Variants in LPP observed in about 807,000 individuals in gnomAD.
The protein encoded by LPP is LIM domain containing preferred translocation partner in lipoma.
LPP carries 38 observed loss-of-function variants against 60.4 expected under a neutral mutation model. That is an observed-to-expected ratio of 0.63 (90% CI 0.49 to 0.83). LPP has a LOEUF of 0.83. LPP is among the 40% of genes least tolerant of loss of function. The probability of loss-of-function intolerance (pLI) is 0.00; values close to 1 mark genes in which losing one functional copy is unlikely to be tolerated. For synonymous variants in LPP, 328 were observed against 290.8 expected (o/e 1.13, Z -1.30); for missense variants, 902 against 783.6 (o/e 1.15, Z -1.80).
At chr3:188,639,657 A>G (rs1277223314) in intron 7 of LPP, among the ~76,000 whole-genome samples, 4 of 149,852 alleles carry the variant, frequency 2.7e-5, no homozygotes, top group African/African-American at 9.8e-5. Flanking sequence ...AATGAACTCA[A>G]ACAAATTTAC....
intron 2 of LPP, among the ~76,000 whole-genome samples, chr3:188,291,487 G>GA (rs1050853674): frequency 3.3e-5 from 5 of 150,286 alleles, no homozygotes; most frequent in South Asian, 2.1e-4. Flanking sequence ...AAAATAGAAA[G>GA]AAAAAAAAAT....
chr3:188,741,217 A>AC (rs1272384957), intron 8 of LPP, among the ~76,000 whole-genome samples: 2 of 151,130 alleles, frequency 1.3e-5, no homozygotes, highest in Non-Finnish European at 2.9e-5. Context: ...ACTTGGTCCC[A>AC]CCGAGGTTCA....
At chr3:188,648,611 G>A (rs1851528708) in intron 7 of LPP, among the ~76,000 whole-genome samples, 1 of 152,040 alleles carries the variant, frequency 6.6e-6, no homozygotes, top group African/African-American at 2.4e-5. Flanking sequence ...TCCTTCATTT[G>A]CTCTATCTAG....
chr3:188,733,811 G>C (rs1035035146), intron 8 of LPP, among the ~76,000 whole-genome samples: 1 of 152,144 alleles, frequency 6.6e-6, no homozygotes, highest in African/African-American at 2.4e-5. Flanking sequence ...TGGAATTCAT[G>C]TGGCTGTTTA....
chr3:188,745,809 C>T (rs1041159134), intron 8 of LPP, among the ~76,000 whole-genome samples: 2 of 152,116 alleles, frequency 1.3e-5, no homozygotes, highest in Non-Finnish European at 2.9e-5. Context: ...GCAGGATCCT[C>T]AAAACTGTGG....
intron 1 of LPP, among the ~76,000 whole-genome samples, chr3:188,208,027 A>G (rs1733776734): frequency 6.6e-6 from 1 of 152,262 alleles, no homozygotes; most frequent in African/African-American, 2.4e-5. Context: ...TCACACATCT[A>G]TGCAATAAAT....
rs150034956 is a variant in LPP at position 188,762,680 on chromosome 3, A to C, written c.1410+2398A>C. 7.2e-5 allele frequency among the ~76,000 whole-genome samples: 11 copies of C among 152,204 alleles called. No homozygotes were observed. In the East Asian group the frequency reaches 2.1e-3, roughly 29 times the overall value. ...TTCTTTGGTTTGTTGTTACTATACT[A>C]TGCTTATGAGAAGGAAAACTATCCG... is the stretch of plus-strand genomic sequence containing the variant. On this transcript the variant is annotated intron_variant, in intron 9 of 11. Coordinates refer to ENST00000617246, the MANE Select transcript of LPP (RefSeq NM_001375462.1).
intron 2 of LPP, among the ~76,000 whole-genome samples, chr3:188,237,074 C>CT (rs376333582): frequency 2.1e-4 from 32 of 149,608 alleles, no homozygotes; most frequent in African/African-American, 3.9e-4. Flanking sequence ...ATTTGATATA[C>CT]TTTTTTTTTT....
intron 9 of LPP, among the ~76,000 whole-genome samples, chr3:188,844,379 T>C (rs1206042854): frequency 6.6e-6 from 1 of 152,228 alleles, no homozygotes; most frequent in East Asian, 1.9e-4. Context: ...TTACAATACA[T>C]AGAGGAAAGG....
chr3:188,376,267 T>C (rs1775048825), intron 3 of LPP, among the ~76,000 whole-genome samples: 2 of 151,428 alleles, frequency 1.3e-5, no homozygotes, highest in Non-Finnish European at 3.0e-5. Flanking sequence ...CCTTGTTAAC[T>C]TTCTGTCTTG....
intron 9 of LPP, among the ~76,000 whole-genome samples, chr3:188,793,111 A>G (rs1461940747): frequency 6.6e-6 from 1 of 151,874 alleles, no homozygotes; most frequent in Non-Finnish European, 1.5e-5. Flanking sequence ...AGGCCCAGAG[A>G]AGTTACTTTG....
At chr3:188,865,630 A>G (rs1397215836) in intron 9 of LPP, among the ~76,000 whole-genome samples, 1 of 152,174 alleles carries the variant, frequency 6.6e-6, no homozygotes, top group African/African-American at 2.4e-5. Context: ...CCAGAGTGGT[A>G]TAGTTCAAGG....
chr3:188,784,197 A>C (rs1054766938), intron 9 of LPP, among the ~76,000 whole-genome samples: 1 of 151,464 alleles, frequency 6.6e-6, no homozygotes, highest in Non-Finnish European at 1.5e-5. Flanking sequence ...TTCCTGAGTT[A>C]CTTCACTTAG....
intron 6 of LPP, among the ~76,000 whole-genome samples, chr3:188,579,871 G>GGTT (rs1305546997): frequency 2.7e-5 from 4 of 150,722 alleles, no homozygotes; most frequent in African/African-American, 9.8e-5. Context: ...TCTCATTGGG[G>GGTT]GTTGGGGGGG....
intron 5 of LPP, among the ~76,000 whole-genome samples, chr3:188,500,479 G>C (rs977301647): frequency 3.3e-5 from 5 of 151,958 alleles, no homozygotes; most frequent in African/African-American, 1.2e-4. Context: ...AATTTGACTT[G>C]GGATATTTGA....
chr3:188,329,343 A>C (rs949968359), intron 2 of LPP, among the ~76,000 whole-genome samples: 8 of 152,188 alleles, frequency 5.3e-5, no homozygotes, highest in African/African-American at 1.9e-4. Flanking sequence ...GGAATTCCAA[A>C]CTTCTTTGTC....
intron 4 of LPP, among the ~76,000 whole-genome samples, chr3:188,421,592 G>A (rs1333251086): frequency 6.6e-6 from 1 of 152,086 alleles, no homozygotes; most frequent in Admixed American, 6.6e-5. Context: ...AAGCTACTGG[G>A]TTATATAATG....
intron 2 of LPP, among the ~76,000 whole-genome samples, chr3:188,336,771 G>A (rs1267657706): frequency 2.6e-5 from 4 of 152,132 alleles, no homozygotes; most frequent in Non-Finnish European, 5.9e-5. Context: ...TTAGGCTGGA[G>A]TGTCTCAGAT....
chr3:188,514,475 TG>T (rs1274994568), intron 5 of LPP, among the ~76,000 whole-genome samples: 1 of 152,096 alleles, frequency 6.6e-6, no homozygotes, highest in Admixed American at 6.5e-5. Flanking sequence ...TCACTCTTGT[TG>T]CCCAGGCTGG....
Sources: gnomAD v4.1 joint callset for allele counts (sites outside exome capture counted in the v4.1 genomes callset) on GRCh38, gnomAD v4.1.1 for gene constraint, MANE v1.5 for transcripts, NCBI Gene and HGNC (gene_info 2026-07-23, HGNC 2026-07-21) for gene names.